HECTD4: variants seen among roughly 807,000 people sequenced by gnomAD.
HECTD4 encodes the protein HECT domain E3 ubiquitin protein ligase 4.
Under a neutral mutation model 471.5 loss-of-function variants are expected in HECTD4, and 114 were observed. The ratio of observed to expected loss-of-function variants is 0.24; its 90% CI spans 0.21 to 0.28. The LOEUF is 0.28. Ranked by LOEUF, HECTD4 falls within the 10% of genes least tolerant of loss-of-function variation. The pLI is 1.00. For synonymous variants in HECTD4, 2,012 were observed against 2,256.0 expected, an observed-to-expected ratio of 0.89 and a Z score of 3.07; for missense variants, 3,866 against 5,651.5, an observed-to-expected ratio of 0.68 and a Z score of 10.13.
chr12:112,303,773 C>A (rs540763728), intron 7 of HECTD4, among the ~76,000 whole-genome samples: 106 of 151,260 alleles, frequency 7.0e-4, no homozygotes, highest in Non-Finnish European at 1.4e-3. Context: ...TCACCTGAGC[C>A]CAGGAGGTTG....
chr12:112,301,577 C>A (rs2035165091), intron 7 of HECTD4, among the ~76,000 whole-genome samples: 1 of 152,134 alleles, frequency 6.6e-6, no homozygotes, highest in African/African-American at 2.4e-5. Flanking sequence ...ATGGCTCCAC[C>A]ACATCTTTTA....
intron 67 of HECTD4, 104 bp from the exon 68 acceptor site, chr12:112,171,367 A>AT (rs2031214268): frequency 1.1e-5 from 16 of 1,506,162 alleles, no homozygotes; most frequent in African/African-American, 1.4e-5. Context: ...GGATTGGTGG[A>AT]TTTTTTACCT....
At chr12:112,302,280 T>C in intron 7 of HECTD4, 1 of 854,368 alleles carries the variant, frequency 1.2e-6, no homozygotes, top group Non-Finnish European at 2.0e-6. Flanking sequence ...GGTGGTCTCT[T>C]AGTGGGGACG....
Position 112,382,085 on chromosome 12 carries a change from G to A in HECTD4, c.44C>T (p.Ala15Val), listed in dbSNP as rs2036906038. ...CACCGAGAGCCACTGCGCCGAGTCA[G>A]CGGCCGCCGCCGCCGCCGCCGCCGC... is the stretch of plus-strand genomic sequence containing the variant. ...AAAAAAAAAA[A>V]DSAQWLSVKE... Residue 15 changes from alanine (A) to valine (V), a missense_variant, in exon 1 of 76, where the codon GCT becomes GTT. Ala to Val is a moderately conservative substitution (Grantham distance 64, BLOSUM62 0). Coordinates refer to ENST00000682272, the MANE Select transcript of HECTD4 (RefSeq NM_001388303.1). 1 of 1,227,834 alleles carries A rather than the reference G, an allele frequency of 8.1e-7. No individual in the cohort carries two copies. Among genetic ancestry groups the A allele is most frequent in the South Asian group, 4.1e-5 (1 of 24,364 alleles). 76.1% of individuals were successfully genotyped at this position (1,227,834 alleles called of 1,614,324 possible).
chr12:112,313,814 C>A (rs1038224174), intron 3 of HECTD4, among the ~76,000 whole-genome samples: 2 of 151,990 alleles, frequency 1.3e-5, no homozygotes, highest in African/African-American at 4.8e-5. Context: ...TAAAAAATTA[C>A]GAAGCTATGT....
rs1364673414 is a variant in HECTD4, at chr12:112,166,633, A to T, written c.12534+684T>A. On this transcript the variant is annotated intron_variant, in intron 72 of 75. Transcript: ENST00000682272. This position sits in a 1 kb window ranked among gnomAD's most constrained non-coding sequence, Gnocchi z 4.6. ...CCAGCTGTGAGGGCCCAGGCAAGTC[A>T]CCTCCCTTTGGTGAGCCTCACTTTC... 1 of 152,194 alleles carries T rather than the reference A, an allele frequency of 6.6e-6. No homozygotes were observed. The highest frequency in any genetic ancestry group is 6.6e-5 in the Admixed American group (1 of 15,258). 9.4% of individuals were successfully genotyped at this position (152,194 alleles called of 1,614,324 possible). A position where few individuals can be genotyped will look rare whatever the true frequency, so the allele number is the denominator to read the frequency against.
chr12:112,182,851 A>G (rs1290095084), intron 62 of HECTD4, among the ~76,000 whole-genome samples: 2 of 152,206 alleles, frequency 1.3e-5, no homozygotes, highest in East Asian at 1.9e-4. Flanking sequence ...CTGACAAACA[A>G]TGGAGCCTCT....
chr12:112,250,886 T>C (rs1298317293), intron 24 of HECTD4, 85 bp downstream of exon 24: 1 of 1,358,600 alleles, frequency 7.4e-7, no homozygotes. Context: ...CACAATCACC[T>C]GGGAAATGTA....
At position 112,179,737 on chromosome 12, in the gene HECTD4, A is replaced by T. The variant is rs951657833; in HGVS notation, c.10988-340T>A. 1.3e-5 allele frequency among the ~76,000 whole-genome samples: 2 copies of T among 152,030 alleles called. No homozygotes were observed. Among genetic ancestry groups the T allele is most frequent in the African/African-American group, 4.8e-5 (2 of 41,404 alleles). On this transcript the variant is annotated intron_variant, in intron 62 of 75. Coordinates refer to ENST00000682272, the MANE Select transcript of HECTD4 (RefSeq NM_001388303.1). The surrounding 1 kb of genome is among the most constrained non-coding windows in gnomAD (Gnocchi z 4.3). Reference sequence around the variant, plus strand: ...CACCTCAGTGCTCACCCTCACTCTTATATCTGCAGGGAATTAACTTCCACT... The same window carrying T: ...CACCTCAGTGCTCACCCTCACTCTTTTATCTGCAGGGAATTAACTTCCACT...
chr12:112,182,971 G>A, intron 62 of HECTD4, 88 bp downstream of exon 62: 1 of 885,292 alleles, frequency 1.1e-6, no homozygotes, highest in African/African-American at 1.7e-5. Context: ...TACTGGGGAG[G>A]GGAGGAGATT....
intron 60 of HECTD4, among the ~76,000 whole-genome samples, chr12:112,187,313 C>T (rs1329395989): frequency 6.6e-6 from 1 of 152,058 alleles, no homozygotes; most frequent in Non-Finnish European, 1.5e-5. Context: ...GCCAGAGTCC[C>T]AGAGCCTTTG....
Position 112,173,547 on chromosome 12 carries a change from A to G in HECTD4, c.11595-686T>C, listed in dbSNP as rs370379594. On this transcript the variant is annotated intron_variant, in intron 66 of 75. Transcript: ENST00000682272. The surrounding 1 kb of genome is among the most constrained non-coding windows in gnomAD (Gnocchi z 4.3). ...TAGGACTACAGGCGCCTGCCACCAC[A>G]CCTGGCTAATTTTTTTTTTTGTATT... 4.0e-5 allele frequency among the ~76,000 whole-genome samples: 6 copies of G among 148,334 alleles called. No homozygotes were observed. The highest frequency in any genetic ancestry group is 1.5e-4 in the African/African-American group (6 of 40,320).
chr12:112,258,774 T>C (rs753757324), intron 19 of HECTD4, 178 bp from the exon 20 acceptor site: 4 of 574,630 alleles, frequency 7.0e-6, no homozygotes, highest in Middle Eastern at 4.5e-4. Flanking sequence ...AATGCTGTAA[T>C]GGAATGCATC....
chr12:112,350,803 T>A (rs2036236567), intron 1 of HECTD4, among the ~76,000 whole-genome samples: 1 of 152,258 alleles, frequency 6.6e-6, no homozygotes. Flanking sequence ...CCAGTACTTT[T>A]GGCCACACAA....
intron 72 of HECTD4, among the ~76,000 whole-genome samples, chr12:112,164,832 G>A (rs1295014396): frequency 6.6e-6 from 1 of 151,372 alleles, no homozygotes; most frequent in Non-Finnish European, 1.5e-5. Context: ...ATGTTGGCCA[G>A]GCTGGTCTCT....
At position 112,382,111 on chromosome 12, in the gene HECTD4, G is replaced by A; in HGVS notation, c.18C>T (p.Ala6=). MGSSA[A]AAAAAAAAAD... Reference sequence around the variant, plus strand: ...CGGCCGCCGCCGCCGCCGCCGCCGCGGCCGCCGACGAGCCCATGGCCCCGG... The same window carrying A: ...CGGCCGCCGCCGCCGCCGCCGCCGCAGCCGCCGACGAGCCCATGGCCCCGG... The change falls in exon 1 of 76, where the codon GCC becomes GCT. Residue 6 remains alanine (A), a synonymous_variant. Transcript: ENST00000682272. The A allele has an allele frequency of 8.3e-7, 1 of 1,211,304 alleles. No homozygotes were observed. The highest frequency in any genetic ancestry group is 1.0e-6 in the Non-Finnish European group (1 of 979,332). The allele number at this position is 1,211,304 out of a possible 1,614,324, so 75.0% of individuals were successfully genotyped here. A position where few individuals can be genotyped will look rare whatever the true frequency, so the allele number is the denominator to read the frequency against.
chr12:112,257,299 C>T (rs1013248040), intron 20 of HECTD4, among the ~76,000 whole-genome samples: 6 of 152,210 alleles, frequency 3.9e-5, no homozygotes, highest in African/African-American at 1.4e-4. Context: ...TGCTAAATAA[C>T]TACCTGTGGC....
chr12:112,280,175 T>C (rs1463855747), intron 8 of HECTD4, among the ~76,000 whole-genome samples: 1 of 152,194 alleles, frequency 6.6e-6, no homozygotes, highest in Non-Finnish European at 1.5e-5. Flanking sequence ...TTTCACAATA[T>C]CTATCACAAA....
intron 2 of HECTD4, among the ~76,000 whole-genome samples, chr12:112,317,794 C>T (rs2035508402): frequency 6.6e-6 from 1 of 151,930 alleles, no homozygotes; most frequent in Non-Finnish European, 1.5e-5. Flanking sequence ...GCCTGGGCAA[C>T]AAGGGGAAAC....
Sources: allele counts gnomAD v4.1 joint callset (sites outside exome capture counted in the v4.1 genomes callset), GRCh38; gene constraint gnomAD v4.1.1; non-coding constraint Gnocchi (gnomAD v3.1); transcripts MANE v1.5; gene names NCBI Gene and HGNC (gene_info 2026-07-23, HGNC 2026-07-21).